The following PTPRT variants were observed in gnomAD, a reference collection of about 807,000 sequenced individuals.
The protein encoded by PTPRT is protein tyrosine phosphatase receptor type T.
Under a neutral mutation model 176.8 loss-of-function variants are expected in PTPRT, and 56 were observed. The ratio of observed to expected loss-of-function variants is 0.32; its 90% CI spans 0.26 to 0.40. The LOEUF (loss-of-function observed/expected upper bound fraction) is 0.40, where lower values mean the gene tolerates loss of function less well. PTPRT is among the 10% of genes least tolerant of loss of function. PTPRT has a pLI of 1.00. For missense variants in PTPRT, 1,540 were observed against 1,908.2 expected (o/e 0.81, Z 3.60); for synonymous variants, 783 against 739.0 (o/e 1.06, Z -0.96).
intron 6 of PTPRT, among the ~76,000 whole-genome samples, chr20:42,698,771 A>G (rs1267054058): frequency 6.6e-6 from 1 of 152,016 alleles, no homozygotes; most frequent in African/African-American, 2.4e-5. Context: ...TGATTCCCCA[A>G]CCGCCCGGGT....
At chr20:42,426,767 G>A (rs543738231) in intron 9 of PTPRT, among the ~76,000 whole-genome samples, 14 of 152,290 alleles carry the variant, frequency 9.2e-5, no homozygotes, top group African/African-American at 2.6e-4. Flanking sequence ...GTGGCTGAAC[G>A]GATGAGTCAC....
intron 15 of PTPRT, among the ~76,000 whole-genome samples, chr20:42,201,383 A>T (rs547064016): frequency 6.6e-6 from 1 of 152,330 alleles, no homozygotes; most frequent in East Asian, 1.9e-4. Flanking sequence ...CACATAGGAC[A>T]AATTCCAGTT....
intron 12 of PTPRT, among the ~76,000 whole-genome samples, chr20:42,305,625 GTA>G (rs1012718925): frequency 3.9e-5 from 6 of 152,042 alleles, no homozygotes; most frequent in East Asian, 1.9e-4. Flanking sequence ...GTGTGTGCGT[GTA>G]TGTGTGTGTG....
intron 2 of PTPRT, among the ~76,000 whole-genome samples, chr20:42,825,888 CA>C (rs2077984299): frequency 6.6e-6 from 1 of 151,892 alleles, no homozygotes; most frequent in South Asian, 2.1e-4. Flanking sequence ...CATGGAGTAC[CA>C]AAAGGACCCA....
rs1367352438 is a variant in PTPRT at position 42,201,215 on chromosome 20, T to C, written c.2343-1827A>G. Among the ~76,000 whole-genome samples, 4 of 152,136 alleles carry C rather than the reference T, an allele frequency of 2.6e-5. No homozygotes were observed. In the East Asian group the frequency reaches 5.8e-4, roughly 22 times the overall value. ...CAGCAGGCTGAGGTGGGAAGATCAC[T>C]TGAGAGCCCAAGAGGTGGAGGCTGC... On this transcript the variant is annotated intron_variant, in intron 15 of 30. Transcript: ENST00000373187.
intron 7 of PTPRT, among the ~76,000 whole-genome samples, chr20:42,505,009 C>T (rs948537748): frequency 6.6e-6 from 1 of 152,036 alleles, no homozygotes. Flanking sequence ...AGCATACCTA[C>T]GATATACTAT....
intron 1 of PTPRT, among the ~76,000 whole-genome samples, chr20:43,029,344 A>T (rs908375066): frequency 6.6e-6 from 1 of 152,322 alleles, no homozygotes; most frequent in Middle Eastern, 3.4e-3. Flanking sequence ...CACACAGGCC[A>T]CCCACCAACA....
intron 1 of PTPRT, among the ~76,000 whole-genome samples, chr20:42,977,297 A>G (rs1983009186): frequency 6.6e-6 from 1 of 152,202 alleles, no homozygotes; most frequent in African/African-American, 2.4e-5. Context: ...TATAGACAAA[A>G]AGAGTCAAGA....
chr20:43,025,658 C>T (rs1985879630), intron 1 of PTPRT, among the ~76,000 whole-genome samples: 1 of 152,100 alleles, frequency 6.6e-6, no homozygotes, highest in African/African-American at 2.4e-5. Context: ...TTCAAAGGTT[C>T]CTGTCTTAGG....
In PTPRT at chr20:42,211,960, T is replaced by C. The variant is rs376818193; in HGVS notation, c.2343-12572A>G. Among the ~76,000 whole-genome samples the C allele has an allele frequency of 2.7e-5, 4 of 149,334 alleles. No individual in the cohort carries two copies. The South Asian group carries it at 8.6e-4, about 32-fold the overall frequency. On this transcript the variant is annotated intron_variant, in intron 15 of 30. Transcript: ENST00000373187. ...GGCCCATATACACCATGGAATACTA[T>C]GCAGCCATAAAAAATGATGAGTTCA...
intron 1 of PTPRT, among the ~76,000 whole-genome samples, chr20:43,098,425 T>G (rs991004799): frequency 6.6e-6 from 1 of 152,142 alleles, no homozygotes; most frequent in Non-Finnish European, 1.5e-5. Context: ...ATATTCATAT[T>G]AACAGAGTAC....
intron 7 of PTPRT, among the ~76,000 whole-genome samples, chr20:42,588,643 T>C (rs1239251776): frequency 6.6e-6 from 1 of 152,174 alleles, no homozygotes; most frequent in Non-Finnish European, 1.5e-5. Flanking sequence ...TCAAATAAAA[T>C]ATACTACTAG....
intron 12 of PTPRT, among the ~76,000 whole-genome samples, chr20:42,284,813 AT>A (rs1346575591): frequency 6.6e-6 from 1 of 152,006 alleles, no homozygotes; most frequent in Admixed American, 6.6e-5. Flanking sequence ...CAATTATTTC[AT>A]TTTATAAAGT....
intron 1 of PTPRT, among the ~76,000 whole-genome samples, chr20:43,050,484 T>A (rs943878702): frequency 6.6e-6 from 1 of 152,156 alleles, no homozygotes; most frequent in Non-Finnish European, 1.5e-5. Context: ...CTCTCCCTCA[T>A]ACGGCGTCTC....
chr20:42,252,920 A>C (rs2056571692), intron 13 of PTPRT, among the ~76,000 whole-genome samples: 1 of 152,246 alleles, frequency 6.6e-6, no homozygotes, highest in African/African-American at 2.4e-5. Flanking sequence ...CTAACTAGAC[A>C]TCAGATACAG....
Position 42,409,561 on chromosome 20 carries a change from ATAAAAGT to A in PTPRT, c.1560+38652_1560+38658del, listed in dbSNP as rs980950296. Reference sequence around the variant, plus strand: ...TGATATATCAACAATGTCTTGCATTATAAAAGTGCCAATAGGTTGCTGGAAGGCAAAA... The same window carrying A: ...TGATATATCAACAATGTCTTGCATTAGCCAATAGGTTGCTGGAAGGCAAAA... On this transcript the variant is annotated intron_variant, in intron 9 of 30. Coordinates refer to ENST00000373187, the MANE Select transcript of PTPRT (RefSeq NM_007050.6). Among the ~76,000 whole-genome samples the A allele has an allele frequency of 9.3e-4, 140 of 150,606 alleles. 1 individual carries two copies. Among genetic ancestry groups the A allele is most frequent in the Middle Eastern group, 6.9e-3 (2 of 290 alleles).
At chr20:42,673,672 T>C (rs2075450181) in intron 7 of PTPRT, among the ~76,000 whole-genome samples, 1 of 152,182 alleles carries the variant, frequency 6.6e-6, no homozygotes, top group African/African-American at 2.4e-5. Context: ...GGCATTGATC[T>C]CATTCATCAG....
At chr20:42,278,330 G>A (rs1196608807) in intron 13 of PTPRT, among the ~76,000 whole-genome samples, 1 of 142,934 alleles carries the variant, frequency 7.0e-6, no homozygotes, top group Non-Finnish European at 1.5e-5. Flanking sequence ...ATTTCAGAGA[G>A]AGGGCAAGAT....
intron 4 of PTPRT, among the ~76,000 whole-genome samples, chr20:42,777,261 C>T (rs867356875): frequency 2.0e-5 from 3 of 152,266 alleles, no homozygotes; most frequent in South Asian, 2.1e-4. Flanking sequence ...GGCTTTCCTG[C>T]CCAACATTTG....
Sources: gnomAD v4.1 joint callset for allele counts (sites outside exome capture counted in the v4.1 genomes callset) on GRCh38, gnomAD v4.1.1 for gene constraint, MANE v1.5 for transcripts, NCBI Gene and HGNC (gene_info 2026-07-23, HGNC 2026-07-21) for gene names.